The following RPH3AL variants were observed in gnomAD, a reference collection of about 807,000 sequenced individuals.
The protein encoded by RPH3AL is rabphilin 3A like (without C2 domains), also known as rab effector Noc2.
Under a neutral mutation model 43.1 loss-of-function variants are expected in RPH3AL, and 38 were observed. The observed-to-expected ratio is 0.88, with a 90% CI of 0.68 to 1.15. The LOEUF (loss-of-function observed/expected upper bound fraction) is 1.15. RPH3AL is among the 50% of genes most tolerant of loss of function. The probability of loss-of-function intolerance (pLI) is 0.00; values close to 1 mark genes in which losing one functional copy is unlikely to be tolerated. For missense variants in RPH3AL, 462 were observed against 423.2 expected, an observed-to-expected ratio of 1.09 and a Z score of -0.81; for synonymous variants, 189 against 176.3, an observed-to-expected ratio of 1.07 and a Z score of -0.57.
chr17:290,958 A>G lies in RPH3AL; in HGVS notation c.352-9104T>C, dbSNP rs1055888141. Among the ~76,000 whole-genome samples the G allele has an allele frequency of 1.3e-5, 2 of 152,180 alleles. No homozygotes were observed. Among genetic ancestry groups the G allele is most frequent in the African/African-American group, 4.8e-5 (2 of 41,446 alleles). On this transcript the variant is annotated intron_variant, in intron 5 of 9. Transcript: ENST00000331302. The surrounding 1 kb of genome is among the most constrained non-coding windows in gnomAD (Gnocchi z 4.2). ...GTGAAACTGCGCTCAAACGTCCTGT[A>G]CAAGGAGGCCTGGACCATCCATGGC...
rs1466778613 is a variant in RPH3AL, at chr17:274,995, A to G, written c.438+6773T>C. 6.6e-6 allele frequency among the ~76,000 whole-genome samples: 1 copy of G among 152,226 alleles called. No individual in the cohort carries two copies. The highest frequency in any genetic ancestry group is 1.5e-5 in the Non-Finnish European group (1 of 68,044). On this transcript the variant is annotated intron_variant, in intron 6 of 9. Transcript: ENST00000331302. The surrounding 1 kb of genome is among the most constrained non-coding windows in gnomAD (Gnocchi z 4.7). ...TCGAAACTTACACCGGAGGGGAAAG[A>G]GCAGACGTGGTCACGGAGAAAACAG... is the stretch of plus-strand genomic sequence containing the variant.
At chr17:303,032 C>G (rs1011070793) in intron 5 of RPH3AL, among the ~76,000 whole-genome samples, 1 of 152,156 alleles carries the variant, frequency 6.6e-6, no homozygotes, top group Non-Finnish European at 1.5e-5. Context: ...CCAAGTCAGA[C>G]AATAAACTTG....
intron 5 of RPH3AL, among the ~76,000 whole-genome samples, chr17:317,573 C>T (rs2044320328): frequency 6.6e-6 from 1 of 152,028 alleles, no homozygotes; most frequent in African/African-American, 2.4e-5. Flanking sequence ...TAGTCCAGGG[C>T]CTTGGCAAGG....
chr17:266,346 C>T (rs2042322618), intron 6 of RPH3AL, among the ~76,000 whole-genome samples: 1 of 152,026 alleles, frequency 6.6e-6, no homozygotes, highest in Non-Finnish European at 1.5e-5. Context: ...GGGAGAAAGC[C>T]CCCGTCATCC....
intron 7 of RPH3AL, among the ~76,000 whole-genome samples, chr17:241,043 GA>G (rs1315582456): frequency 1.4e-5 from 2 of 146,028 alleles, no homozygotes; most frequent in Non-Finnish European, 3.0e-5. Context: ...GCGACAGAGT[GA>G]GACTCCATCT....
chr17:285,852 C>T lies in RPH3AL; in HGVS notation c.352-3998G>A, dbSNP rs866308630. ...GCACTCATGTGCCTGCCCCTCAGCG[C>T]GGCTCTATCTCCACCCCCATCCCGT... On this transcript the variant is annotated intron_variant, in intron 5 of 9. Coordinates refer to ENST00000331302, the MANE Select transcript of RPH3AL (RefSeq NM_006987.4). Among the ~76,000 whole-genome samples the T allele has an allele frequency of 1.1e-4, 17 of 152,310 alleles. 1 individual carries two copies. Among genetic ancestry groups the T allele is most frequent in the African/African-American group, 3.4e-4 (14 of 41,576 alleles).
Position 227,220 on chromosome 17 carries a change from C to T in RPH3AL, c.614-7484G>A, listed in dbSNP as rs558072708. ...AGCAGTGGCCAGCCCCAGCGCCAGC[C>T]GTGCCCACTTCTCTGGGGAGAGGCC... On this transcript the variant is annotated intron_variant, in intron 7 of 9. Coordinates refer to ENST00000331302, the MANE Select transcript of RPH3AL (RefSeq NM_006987.4). 1.6e-4 allele frequency among the ~76,000 whole-genome samples: 25 copies of T among 152,364 alleles called. No homozygotes were observed. The South Asian group carries it at 1.9e-3, about 11-fold the overall frequency.
chr17:333,969 A>AAAATT lies in RPH3AL; in HGVS notation c.-212-36_-212-35insAATTT, dbSNP rs2044871835. 2.0e-5 allele frequency: 3 copies of AAAATT among 152,496 alleles called. No homozygotes were observed. The South Asian group carries it at 6.2e-4, about 31-fold the overall frequency. 9.4% of individuals were successfully genotyped at this position (152,496 alleles called of 1,614,324 possible). On this transcript the variant is annotated intron_variant, in intron 1 of 9. Transcript: ENST00000331302. The surrounding 1 kb of genome is among the most constrained non-coding windows in gnomAD (Gnocchi z 4.5). ...AAAAAATAAATAAATAAAATAAAAT[A>AAAATT]AAGGGCCTCTTCTTTGCAAACAGTT...
At chr17:308,123 G>A (rs1463002415) in intron 5 of RPH3AL, among the ~76,000 whole-genome samples, 5 of 152,212 alleles carry the variant, frequency 3.3e-5, no homozygotes, top group Admixed American at 6.5e-5. Flanking sequence ...CGTCTTCCAC[G>A]TCTGAATTAG....
rs2040770878 is a variant in RPH3AL at position 215,345 on chromosome 17, C to G, written c.876+309G>C. Among the ~76,000 whole-genome samples, 1 of 152,190 alleles carries G rather than the reference C, an allele frequency of 6.6e-6. No individual in the cohort carries two copies. Among genetic ancestry groups the G allele is most frequent in the Non-Finnish European group, 1.5e-5 (1 of 68,036 alleles). ...TCAAATGGGACAATAAGCCTCCCAGCCACTCTGCCAAGAGAATGAAAGTTC... is the reference window on the plus strand; with the variant it reads ...TCAAATGGGACAATAAGCCTCCCAGGCACTCTGCCAAGAGAATGAAAGTTC... On this transcript the variant is annotated intron_variant, in intron 9 of 9. Transcript: ENST00000331302. The surrounding 1 kb of genome is among the most constrained non-coding windows in gnomAD (Gnocchi z 4.1).
Position 219,192 on chromosome 17 carries a change from C to CTTTTTTTTTTTTTTTT in RPH3AL, c.727+415_727+430dup, listed in dbSNP as rs796389217. Reference sequence around the variant, plus strand: ...CCTGGGGCTTTGGAAATAAACAGCACTTTTTTTTTTTTTTTTTTTTTTTTT... The same window carrying CTTTTTTTTTTTTTTTT: ...CCTGGGGCTTTGGAAATAAACAGCACTTTTTTTTTTTTTTTTTTTTTTTTTTTTTTTTTTTTTTTTT... On this transcript the variant is annotated intron_variant, in intron 8 of 9. Coordinates refer to ENST00000331302, the MANE Select transcript of RPH3AL (RefSeq NM_006987.4). 1.2e-4 allele frequency among the ~76,000 whole-genome samples: 7 copies of CTTTTTTTTTTTTTTTT among 58,004 alleles called. 1 individual carries two copies. The highest frequency in any genetic ancestry group is 4.7e-4 in the African/African-American group (6 of 12,784). 38.1% of individuals were successfully genotyped at this position (58,004 alleles called of 152,430 possible).
At chr17:337,106 C>A (rs375403867) in intron 1 of RPH3AL, among the ~76,000 whole-genome samples, 1 of 135,998 alleles carries the variant, frequency 7.4e-6, no homozygotes, top group Non-Finnish European at 1.6e-5. Flanking sequence ...CTACGTACAT[C>A]GGTTACGCAC....
At chr17:278,496 C>T (rs2042709660) in intron 6 of RPH3AL, among the ~76,000 whole-genome samples, 2 of 152,082 alleles carry the variant, frequency 1.3e-5, no homozygotes, top group African/African-American at 4.8e-5. Flanking sequence ...ACACATCTGC[C>T]TCGGGGCCTT....
intron 7 of RPH3AL, among the ~76,000 whole-genome samples, chr17:242,363 A>C (rs2041568667): frequency 3.1e-5 from 1 of 31,992 alleles, no homozygotes; most frequent in Non-Finnish European, 6.3e-5. Flanking sequence ...ACCTTCCTCT[A>C]TTGACTACCT....
intron 1 of RPH3AL, among the ~76,000 whole-genome samples, chr17:334,874 G>A (rs1393689310): frequency 1.2e-5 from 1 of 86,780 alleles, no homozygotes; most frequent in Non-Finnish European, 2.6e-5. Flanking sequence ...ATCCACTGCG[G>A]AGGGACAGGG....
intron 6 of RPH3AL, among the ~76,000 whole-genome samples, chr17:253,261 AG>A (rs2041956877): frequency 6.6e-6 from 1 of 152,148 alleles, no homozygotes; most frequent in South Asian, 2.1e-4. Context: ...CAGCCAGTCA[AG>A]GCCCTGTTTA....
chr17:309,766 A>C (rs902534649), intron 5 of RPH3AL, among the ~76,000 whole-genome samples: 3 of 151,290 alleles, frequency 2.0e-5, no homozygotes, highest in South Asian at 4.2e-4. Flanking sequence ...GGCTCCTGCC[A>C]GCCCCCCTGC....
intron 5 of RPH3AL, among the ~76,000 whole-genome samples, chr17:284,507 T>C (rs978831538): frequency 6.6e-6 from 1 of 152,020 alleles, no homozygotes; most frequent in East Asian, 1.9e-4. Flanking sequence ...AAAGCTTTGC[T>C]GGGGTCGTGA....
At chr17:298,877 G>A (rs1450369551) in intron 5 of RPH3AL, among the ~76,000 whole-genome samples, 1 of 152,158 alleles carries the variant, frequency 6.6e-6, no homozygotes, top group Non-Finnish European at 1.5e-5. Context: ...GCTCCAAGGA[G>A]GGGGACGGCA....
Sources: gnomAD v4.1 joint callset for allele counts (sites outside exome capture counted in the v4.1 genomes callset) on GRCh38, gnomAD v4.1.1 for gene constraint, Gnocchi (gnomAD v3.1) non-coding constraint, MANE v1.5 for transcripts, NCBI Gene and HGNC (gene_info 2026-07-23, HGNC 2026-07-21) for gene names.